Variants in ATP8B1 observed in about 807,000 individuals in gnomAD.
ATP8B1 encodes phospholipid-transporting ATPase IC.
ATP8B1 carries 80 observed loss-of-function variants against 149.9 expected under a neutral mutation model. That is an observed-to-expected ratio of 0.53 (90% CI 0.45 to 0.64). ATP8B1 has a LOEUF of 0.64. ATP8B1 is among the 30% of genes least tolerant of loss of function. The probability of loss-of-function intolerance (pLI) is 0.00; values close to 1 mark genes in which losing one functional copy is unlikely to be tolerated. For missense variants in ATP8B1, 1,247 were observed against 1,552.6 expected (o/e 0.80, Z 3.31); for synonymous variants, 536 against 562.8 (o/e 0.95, Z 0.67).
Position 57,731,762 on chromosome 18 carries a change from G to A in ATP8B1, c.46C>T (p.Gln16Ter), listed in dbSNP as rs1440466306. The change falls in exon 2 of 28, where the codon CAG (glutamine) becomes TAG (stop). Residue 16 changes from glutamine to a stop codon, truncating the protein, a stop_gained. Transcript: ENST00000648908. LOFTEE classifies it high-confidence loss of function. ...TAGGGAACCACTTCGTCATTAGGCTGAGAATCCTCGTCAAATGTCGTTTCT... is the reference window on the plus strand; with the variant it reads ...TAGGGAACCACTTCGTCATTAGGCTAAGAATCCTCGTCAAATGTCGTTTCT... ...DSETTFDEDS[Q>*]PNDEVVPYSD... 6.2e-7 allele frequency: 1 copy of A among 1,614,100 alleles called. No homozygotes were observed. Among genetic ancestry groups the A allele is most frequent in the Admixed American group, 1.7e-5 (1 of 60,002 alleles).
intron 2 of ATP8B1, among the ~76,000 whole-genome samples, chr18:57,712,332 C>T (rs565431939): frequency 6.6e-6 from 1 of 152,206 alleles, no homozygotes; most frequent in Non-Finnish European, 1.5e-5. Flanking sequence ...AATCTGTACG[C>T]TTGGGAGAGG....
chr18:57,756,445 C>T (rs536635915), intron 1 of ATP8B1, among the ~76,000 whole-genome samples: 13 of 151,194 alleles, frequency 8.6e-5, no homozygotes, highest in Admixed American at 2.6e-4. Context: ...GGATTACAGG[C>T]GCCTGCCACC....
intron 11 of ATP8B1, 38 bp from the exon 12 acceptor site, chr18:57,692,035 G>A (rs370306823): frequency 1.1e-4 from 167 of 1,584,314 alleles, no homozygotes; most frequent in Non-Finnish European, 3.8e-5. Context: ...TTCTGAAGAT[G>A]GATTTCCAAC....
At chr18:57,660,109 TACTCCCTTATAGTG>T (rs1910296098) in intron 22 of ATP8B1, among the ~76,000 whole-genome samples, 1 of 152,170 alleles carries the variant, frequency 6.6e-6, no homozygotes, top group South Asian at 2.1e-4. Flanking sequence ...TAATACAAGA[TACTCCCTTATAGTG>T]ACAGAGGGAG....
chr18:57,688,580 T>C, intron 12 of ATP8B1, 73 bp from the exon 13 acceptor site: 1 of 1,471,636 alleles, frequency 6.8e-7, no homozygotes, highest in Non-Finnish European at 9.5e-7. Context: ...TTTATTCTCA[T>C]TGTACAGACG....
intron 15 of ATP8B1, among the ~76,000 whole-genome samples, chr18:57,677,793 C>G (rs150351101): frequency 1.8e-4 from 28 of 152,232 alleles, no homozygotes; most frequent in Non-Finnish European, 3.5e-4. Context: ...CAAAGCCTTT[C>G]CCTTCGGCAA....
chr18:57,657,268 G>C (rs1910067562), intron 22 of ATP8B1, among the ~76,000 whole-genome samples: 1 of 151,876 alleles, frequency 6.6e-6, no homozygotes, highest in African/African-American at 2.4e-5. Context: ...TACGGGGGAA[G>C]GTTTCCAGAA....
At chr18:57,768,573 A>G (rs1425230412) in intron 1 of ATP8B1, among the ~76,000 whole-genome samples, 2 of 115,924 alleles carry the variant, frequency 1.7e-5, no homozygotes, top group Non-Finnish European at 3.5e-5. Flanking sequence ...GGCCATTTTT[A>G]CTGTTTACAT....
At chr18:57,776,679 A>G (rs2080308138) in intron 1 of ATP8B1, among the ~76,000 whole-genome samples, 1 of 151,272 alleles carries the variant, frequency 6.6e-6, no homozygotes, top group African/African-American at 2.4e-5. Context: ...GACTGGAACC[A>G]AGTCACTAAA....
chr18:57,706,923 G>T (rs754244221), intron 2 of ATP8B1, among the ~76,000 whole-genome samples: 5 of 152,216 alleles, frequency 3.3e-5, no homozygotes, highest in African/African-American at 9.6e-5. Flanking sequence ...AGAAGGAATC[G>T]ATCCTGCTGA....
At chr18:57,742,549 T>A (rs1404960256) in intron 1 of ATP8B1, among the ~76,000 whole-genome samples, 1 of 152,144 alleles carries the variant, frequency 6.6e-6, no homozygotes, top group African/African-American at 2.4e-5. Flanking sequence ...GAAGATTGGC[T>A]GCCTGGGTGT....
chr18:57,803,103 C>G lies in ATP8B1; in HGVS notation c.-131G>C, dbSNP rs1217529559. 2.6e-5 allele frequency: 4 copies of G among 151,752 alleles called. No individual in the cohort carries two copies. The highest frequency in any genetic ancestry group is 5.9e-5 in the Non-Finnish European group (4 of 67,958). 9.4% of individuals were successfully genotyped at this position (151,752 alleles called of 1,614,324 possible). ...GCCGCCCGCCCGGCCCCAGCCCTGG[C>G]CGCCGCGCTAGCGCTGCATGGCGCA... On this transcript the variant is annotated 5_prime_UTR_variant, in exon 1 of 28. Transcript: ENST00000648908.
chr18:57,801,073 C>G (rs1339482866), intron 1 of ATP8B1, among the ~76,000 whole-genome samples: 1 of 152,200 alleles, frequency 6.6e-6, no homozygotes, highest in Non-Finnish European at 1.5e-5. Flanking sequence ...CAAAACCTCT[C>G]CCAGTTCTAT....
intron 1 of ATP8B1, among the ~76,000 whole-genome samples, chr18:57,765,673 G>GA (rs75577653): frequency 0.013 from 1,260 of 96,768 alleles, 16 homozygotes; most frequent in East Asian, 0.12. Flanking sequence ...TGTCTCAAAA[G>GA]AAAAAAAAAA....
At chr18:57,783,215 A>G (rs140486546) in intron 1 of ATP8B1, among the ~76,000 whole-genome samples, 2 of 152,326 alleles carry the variant, frequency 1.3e-5, no homozygotes, top group African/African-American at 4.8e-5. Context: ...AGAATGCTCT[A>G]CAGAGAGACT....
chr18:57,775,984 A>T (rs1040961832), intron 1 of ATP8B1, among the ~76,000 whole-genome samples: 2 of 152,146 alleles, frequency 1.3e-5, no homozygotes, highest in African/African-American at 4.8e-5. Context: ...GTGCTCCATT[A>T]GTCAAAATAA....
intron 2 of ATP8B1, chr18:57,708,689 G>A (rs1400107530): frequency 1.3e-5 from 2 of 152,110 alleles, no homozygotes; most frequent in African/African-American, 4.8e-5. Flanking sequence ...GGCCAATAAG[G>A]GATTTTTAAA....
intron 1 of ATP8B1, among the ~76,000 whole-genome samples, chr18:57,748,373 G>C (rs2079985027): frequency 6.6e-6 from 1 of 152,162 alleles, no homozygotes; most frequent in African/African-American, 2.4e-5. Context: ...GGAACTTCCA[G>C]AAACTAGGAG....
chr18:57,773,751 A>G (rs2080284051), intron 1 of ATP8B1, among the ~76,000 whole-genome samples: 1 of 152,134 alleles, frequency 6.6e-6, no homozygotes, highest in African/African-American at 2.4e-5. Flanking sequence ...ACCTAGAGTC[A>G]TGCTGGAGTC....
Sources: gnomAD v4.1 joint callset for allele counts (sites outside exome capture counted in the v4.1 genomes callset) on GRCh38, gnomAD v4.1.1 for gene constraint, MANE v1.5 for transcripts, NCBI Gene and HGNC (gene_info 2026-07-23, HGNC 2026-07-21) for gene names.